MYO9A: variants seen among roughly 807,000 people sequenced by gnomAD.
The protein encoded by MYO9A is unconventional myosin-IXa.
Under a neutral mutation model 293.3 loss-of-function variants are expected in MYO9A, and 103 were observed. The observed-to-expected ratio is 0.35, with a 90% CI of 0.30 to 0.41. MYO9A has a LOEUF of 0.41. Ranked by LOEUF, MYO9A falls within the 10% of genes least tolerant of loss-of-function variation. The probability of loss-of-function intolerance (pLI) is 1.00; values close to 1 mark genes in which losing one functional copy is unlikely to be tolerated. For synonymous variants in MYO9A, 1,001 were observed against 1,035.7 expected, an observed-to-expected ratio of 0.97 and a Z score of 0.64; for missense variants, 2,685 against 3,033.0, an observed-to-expected ratio of 0.89 and a Z score of 2.69.
chr15:71,956,320 A>ATATATATATATAT (rs1567314762), intron 14 of MYO9A, among the ~76,000 whole-genome samples: 2 of 17,486 alleles, frequency 1.1e-4, no homozygotes, highest in Admixed American at 9.4e-4. Context: ...TAAAAAAAAA[A>ATATATATATATAT]AAAAAAAAAA....
At chr15:71,852,520 C>T (rs532791587) in intron 35 of MYO9A, among the ~76,000 whole-genome samples, 1 of 152,162 alleles carries the variant, frequency 6.6e-6, no homozygotes, top group Admixed American at 6.5e-5. Flanking sequence ...TGCGCCGCCA[C>T]GCTTAGCTAA....
chr15:72,079,735 C>T (rs1408675187), intron 1 of MYO9A, among the ~76,000 whole-genome samples: 1 of 152,122 alleles, frequency 6.6e-6, no homozygotes, highest in Non-Finnish European at 1.5e-5. Flanking sequence ...AGAGGATCTA[C>T]ATTAATGTTT....
At chr15:72,015,680 C>A (rs2077311250) in intron 6 of MYO9A, among the ~76,000 whole-genome samples, 1 of 144,410 alleles carries the variant, frequency 6.9e-6, no homozygotes. Context: ...TTACTCAGAT[C>A]AGGTTTTTTT....
chr15:71,914,213 C>T (rs1025547336), intron 19 of MYO9A, among the ~76,000 whole-genome samples: 1 of 152,122 alleles, frequency 6.6e-6, no homozygotes, highest in African/African-American at 2.4e-5. Flanking sequence ...CTTCCTGAGC[C>T]GTAGCAAATC....
chr15:71,935,543 A>G, intron 16 of MYO9A, 59 bp from the exon 17 acceptor site: 6 of 1,427,614 alleles, frequency 4.2e-6, no homozygotes, highest in Non-Finnish European at 5.6e-6. Flanking sequence ...ATACTGCTTA[A>G]ATAAGTAAAA....
At chr15:71,842,992 C>T (rs1034016521) in intron 39 of MYO9A, among the ~76,000 whole-genome samples, 7 of 151,936 alleles carry the variant, frequency 4.6e-5, no homozygotes, top group African/African-American at 1.7e-4. Context: ...AGACCTTTTC[C>T]CCTCTCTGCT....
chr15:71,954,190 G>A (rs904832983), intron 14 of MYO9A, among the ~76,000 whole-genome samples: 3 of 149,986 alleles, frequency 2.0e-5, no homozygotes, highest in Non-Finnish European at 3.0e-5. Flanking sequence ...CACTGTGCCC[G>A]GCCATCATCA....
chr15:71,910,111 T>TACGTGTATATATAC (rs1331617883), intron 19 of MYO9A, among the ~76,000 whole-genome samples: 2 of 141,938 alleles, frequency 1.4e-5, no homozygotes, highest in East Asian at 2.0e-4. Context: ...CGTATATATA[T>TACGTGTATATATAC]ACGTGTATAT....
At chr15:71,977,640 C>A (rs2076176267) in intron 12 of MYO9A, among the ~76,000 whole-genome samples, 1 of 151,706 alleles carries the variant, frequency 6.6e-6, no homozygotes, top group Admixed American at 6.6e-5. Context: ...AAAAAGTCAA[C>A]AAGTTTGACA....
intron 39 of MYO9A, 124 bp from the exon 40 acceptor site, chr15:71,830,435 C>A: frequency 1.1e-6 from 1 of 885,738 alleles, no homozygotes; most frequent in Non-Finnish European, 1.8e-6. Context: ...TGGAAACACT[C>A]TGCGAGGCCT....
At chr15:71,859,886 T>G (rs2056043334) in intron 33 of MYO9A, 90 bp from the exon 34 acceptor site, 1 of 1,100,286 alleles carries the variant, frequency 9.1e-7, no homozygotes. Flanking sequence ...AGACCTACGT[T>G]TTTTTCTTTA....
intron 1 of MYO9A, among the ~76,000 whole-genome samples, chr15:72,087,905 T>G (rs998762515): frequency 6.6e-6 from 1 of 152,212 alleles, no homozygotes; most frequent in Admixed American, 6.5e-5. Context: ...AGCCCCAATC[T>G]GCAATGTGAG....
chr15:72,028,015 T>C (rs1233004140), intron 3 of MYO9A, among the ~76,000 whole-genome samples: 4 of 151,122 alleles, frequency 2.6e-5, no homozygotes, highest in Admixed American at 6.6e-5. Flanking sequence ...CTGGCTGATA[T>C]GGTGAAACCC....
At chr15:71,980,625 A>G (rs193100845) in intron 11 of MYO9A, among the ~76,000 whole-genome samples, 1 of 152,168 alleles carries the variant, frequency 6.6e-6, no homozygotes, top group Admixed American at 6.6e-5. Context: ...ACTTGAGGCC[A>G]TGAGTTTGAG....
rs751575119 is a variant in MYO9A, at chr15:72,007,944, G to C, written c.1262C>G (p.Ser421Cys). ...FLPKTRRQIF[S>C]LLSAILHLGN... ...CAAATGTAGTATGGCTGAGAGAAGAGAGAAAATCCTGGGAAAATAAAACAC... is the reference window on the plus strand; with the variant it reads ...CAAATGTAGTATGGCTGAGAGAAGACAGAAAATCCTGGGAAAATAAAACAC... The change falls in exon 8 of 42, where the codon TCT becomes TGT. Residue 421 changes from serine to cysteine, a missense_variant. Coordinates refer to ENST00000356056, the MANE Select transcript of MYO9A (RefSeq NM_006901.4). The C allele has an allele frequency of 6.2e-7, 1 of 1,608,302 alleles. No homozygotes were observed. The highest frequency in any genetic ancestry group is 1.7e-5 in the Admixed American group (1 of 58,766).
intron 3 of MYO9A, among the ~76,000 whole-genome samples, chr15:72,028,876 A>G (rs907219788): frequency 1.3e-5 from 2 of 152,210 alleles, no homozygotes; most frequent in South Asian, 2.1e-4. Context: ...ATTGGGCACT[A>G]TATCAAGCAC....
chr15:71,837,088 C>G (rs1235751967), intron 39 of MYO9A, among the ~76,000 whole-genome samples: 1 of 151,920 alleles, frequency 6.6e-6, no homozygotes, highest in African/African-American at 2.4e-5. Context: ...ATACGAATAG[C>G]CTTTGAAAAT....
Position 72,118,140 on chromosome 15 carries a change from G to A in MYO9A, c.-532C>T. The A allele has an allele frequency of 2.6e-6, 1 of 377,682 alleles. No homozygotes were observed. The highest frequency in any genetic ancestry group is 4.7e-6 in the Non-Finnish European group (1 of 213,100). The allele number at this position is 377,682 out of a possible 1,614,324, so 23.4% of individuals were successfully genotyped here. A position where few individuals can be genotyped will look rare whatever the true frequency, so the allele number is the denominator to read the frequency against. On this transcript the variant is annotated 5_prime_UTR_variant, in exon 1 of 42. Coordinates refer to ENST00000356056, the MANE Select transcript of MYO9A (RefSeq NM_006901.4). The stretch of plus-strand genomic sequence containing the variant: ...GCGACTCCCCGGCTGCAGGCGAGCA[G>A]GCGCGCGCGCACTTACCTCCCACGC...
intron 1 of MYO9A, among the ~76,000 whole-genome samples, chr15:72,096,181 A>G (rs939040969): frequency 2.0e-5 from 3 of 150,392 alleles, no homozygotes; most frequent in African/African-American, 7.4e-5. Context: ...AAAAAAGAAA[A>G]AAAAAAATTA....
Sources: gnomAD v4.1 joint callset for allele counts (sites outside exome capture counted in the v4.1 genomes callset) on GRCh38, gnomAD v4.1.1 for gene constraint, MANE v1.5 for transcripts, NCBI Gene and HGNC (gene_info 2026-07-23, HGNC 2026-07-21) for gene names.